Variants in MTUS1 observed in about 807,000 individuals in gnomAD.
MTUS1 encodes the protein microtubule associated scaffold protein 1.
Under a neutral mutation model 120.8 loss-of-function variants are expected in MTUS1, and 109 were observed. That is an observed-to-expected ratio of 0.90 (90% CI 0.77 to 1.06). MTUS1 has a LOEUF of 1.06. Ranked by LOEUF, MTUS1 falls within the 50% of genes least tolerant of loss-of-function variation. The pLI is 0.00. For missense variants in MTUS1, 2,210 were observed against 1,486.3 expected (o/e 1.49, Z -8.01); for synonymous variants, 737 against 550.5 (o/e 1.34, Z -4.74).
intron 6 of MTUS1, among the ~76,000 whole-genome samples, chr8:17,694,610 G>C (rs12678650): frequency 2.0e-5 from 3 of 151,730 alleles, no homozygotes; most frequent in African/African-American, 7.3e-5. Context: ...GGAGGTTGCA[G>C]TGGGCCCAGA....
At chr8:17,736,110 T>C (rs1370237538) in intron 3 of MTUS1, among the ~76,000 whole-genome samples, 1 of 152,222 alleles carries the variant, frequency 6.6e-6, no homozygotes, top group Admixed American at 6.5e-5. Context: ...TAAGCACTTC[T>C]TGAATGAATG....
At chr8:17,711,775 T>C (rs1367697315) in intron 6 of MTUS1, among the ~76,000 whole-genome samples, 1 of 152,246 alleles carries the variant, frequency 6.6e-6, no homozygotes, top group Non-Finnish European at 1.5e-5. Context: ...ATTTCTATCT[T>C]TTGATTTAAA....
chr8:17,757,573 C>A (rs1180809465), intron 1 of MTUS1, among the ~76,000 whole-genome samples: 1 of 152,216 alleles, frequency 6.6e-6, no homozygotes, highest in Admixed American at 6.5e-5. Context: ...GCCACCCAGG[C>A]TGGAGTGCAG....
At chr8:17,659,042 C>T (rs535503879) in intron 8 of MTUS1, among the ~76,000 whole-genome samples, 2 of 152,206 alleles carry the variant, frequency 1.3e-5, no homozygotes, top group East Asian at 3.9e-4. Context: ...TTGTTTAACC[C>T]TCACAGAGGA....
chr8:17,667,115 G>A (rs2130523541), intron 8 of MTUS1, among the ~76,000 whole-genome samples: 1 of 152,272 alleles, frequency 6.6e-6, no homozygotes, highest in African/African-American at 2.4e-5. Context: ...AGGTACCACT[G>A]GTAAAACTGC....
At chr8:17,647,863 G>C (rs987243977) in intron 13 of MTUS1, among the ~76,000 whole-genome samples, 4 of 152,188 alleles carry the variant, frequency 2.6e-5, no homozygotes, top group African/African-American at 9.7e-5. Context: ...AGCTCCGTCA[G>C]GATTAAGTCT....
At chr8:17,722,322 A>T in intron 4 of MTUS1, 1 of 970,004 alleles carries the variant, frequency 1.0e-6, no homozygotes, top group Non-Finnish European at 1.2e-6. Flanking sequence ...TTGCCACAAC[A>T]GTTTTTCTAG....
intron 1 of MTUS1, among the ~76,000 whole-genome samples, chr8:17,787,573 G>T (rs1042635492): frequency 2.6e-5 from 4 of 152,134 alleles, no homozygotes; most frequent in African/African-American, 9.7e-5. Flanking sequence ...GTTTATCAAG[G>T]AGCTCCTAAA....
intron 6 of MTUS1, among the ~76,000 whole-genome samples, chr8:17,695,744 A>G (rs1281621321): frequency 2.0e-5 from 3 of 152,228 alleles, no homozygotes; most frequent in African/African-American, 4.8e-5. Context: ...ATGCAAATCT[A>G]AAACACATTA....
At chr8:17,776,832 T>G (rs2050478857) in intron 1 of MTUS1, among the ~76,000 whole-genome samples, 1 of 152,170 alleles carries the variant, frequency 6.6e-6, no homozygotes, top group Non-Finnish European at 1.5e-5. Context: ...TTAACAACTG[T>G]TTTCCTATCT....
At chr8:17,702,086 A>G (rs1819210773) in intron 6 of MTUS1, among the ~76,000 whole-genome samples, 1 of 152,168 alleles carries the variant, frequency 6.6e-6, no homozygotes, top group Admixed American at 6.5e-5. Context: ...ATTGTAAACA[A>G]TTCTGAAAAG....
chr8:17,712,820 G>GA (rs371457482), intron 6 of MTUS1, among the ~76,000 whole-genome samples: 87 of 147,666 alleles, frequency 5.9e-4, no homozygotes, highest in East Asian at 2.7e-3. Context: ...GTGAAAGTGT[G>GA]AAAAAAAAAA....
intron 1 of MTUS1, among the ~76,000 whole-genome samples, chr8:17,797,534 T>C (rs1398665421): frequency 6.6e-6 from 1 of 152,206 alleles, no homozygotes; most frequent in African/African-American, 2.4e-5. Context: ...AAGTAGGCTT[T>C]TCGGGGCCAG....
At chr8:17,701,786 T>G (rs372366024) in intron 6 of MTUS1, among the ~76,000 whole-genome samples, 2 of 152,174 alleles carry the variant, frequency 1.3e-5, no homozygotes, top group African/African-American at 4.8e-5. Context: ...CCTGACCTTG[T>G]GATCCACCTG....
intron 3 of MTUS1, among the ~76,000 whole-genome samples, chr8:17,730,293 C>T (rs1048790606): frequency 2.0e-5 from 3 of 152,032 alleles, no homozygotes; most frequent in African/African-American, 4.8e-5. Context: ...ACCAGTCTGG[C>T]GAATATGGTG....
chr8:17,685,895 T>C (rs117421493), intron 6 of MTUS1, among the ~76,000 whole-genome samples: 1 of 152,334 alleles, frequency 6.6e-6, no homozygotes, highest in Non-Finnish European at 1.5e-5. Flanking sequence ...TGAATAATTG[T>C]CACTTGCATA....
chr8:17,781,489 TCTGA>T lies in MTUS1; in HGVS notation c.-155+19568_-155+19571del, dbSNP rs546667182. On this transcript the variant is annotated intron_variant, in intron 1 of 14. Transcript: ENST00000693296. ...CAAGACATGTTACTGTTTCGATTCC[TCTGA>T]ATGACAGTGATTAATATTAAACACA... Among the ~76,000 whole-genome samples the T allele has an allele frequency of 1.4e-4, 22 of 152,366 alleles. No individual in the cohort carries two copies. The East Asian group carries it at 4.2e-3, about 29-fold the overall frequency.
chr8:17,769,907 CACACACA>C (rs2049891489), intron 1 of MTUS1, among the ~76,000 whole-genome samples: 1 of 124,502 alleles, frequency 8.0e-6, no homozygotes, highest in South Asian at 4.0e-4. Flanking sequence ...CACACACACA[CACACACA>C]CACACACACA....
intron 7 of MTUS1, chr8:17,676,266 T>C (rs1416363485): frequency 2.8e-6 from 2 of 703,000 alleles, no homozygotes; most frequent in South Asian, 3.0e-5. Flanking sequence ...TATAAACAAA[T>C]ACTAATTACC....
Sources: gnomAD v4.1 joint callset for allele counts (sites outside exome capture counted in the v4.1 genomes callset) on GRCh38, gnomAD v4.1.1 for gene constraint, MANE v1.5 for transcripts, NCBI Gene and HGNC (gene_info 2026-07-23, HGNC 2026-07-21) for gene names.